PITPNC1: variants seen among roughly 807,000 people sequenced by gnomAD.
PITPNC1 encodes phosphatidylinositol transfer protein cytoplasmic 1.
Under a neutral mutation model 44.7 loss-of-function variants are expected in PITPNC1, and 18 were observed. That is an observed-to-expected ratio of 0.40 (90% CI 0.28 to 0.60). PITPNC1 has a LOEUF of 0.60. PITPNC1 is among the 20% of genes least tolerant of loss of function. The pLI is 0.39. For synonymous variants in PITPNC1, 141 were observed against 149.6 expected, an observed-to-expected ratio of 0.94 and a Z score of 0.42; for missense variants, 290 against 418.4, an observed-to-expected ratio of 0.69 and a Z score of 2.68.
chr17:67,425,242 CACACACACACACACACACACAG>C (rs1567984844), intron 1 of PITPNC1, among the ~76,000 whole-genome samples: 76 of 116,210 alleles, frequency 6.5e-4, no homozygotes, highest in African/African-American at 2.1e-3. Context: ...CACACACACA[CACACACACACACACACACACAG>C]AGGGAGAGAG....
intron 5 of PITPNC1, among the ~76,000 whole-genome samples, chr17:67,586,444 A>T (rs913221168): frequency 2.6e-5 from 4 of 151,264 alleles, no homozygotes; most frequent in Non-Finnish European, 4.4e-5. Flanking sequence ...AAAAAAAAAA[A>T]ATTAGCTGGG....
At chr17:67,445,544 G>C (rs2143934491) in intron 1 of PITPNC1, among the ~76,000 whole-genome samples, 1 of 138,004 alleles carries the variant, frequency 7.2e-6, no homozygotes, top group Non-Finnish European at 1.7e-5. Flanking sequence ...TACTTTCCTT[G>C]TTAACTAATT....
intron 1 of PITPNC1, among the ~76,000 whole-genome samples, chr17:67,452,857 C>T (rs1467892298): frequency 1.3e-5 from 2 of 152,166 alleles, no homozygotes; most frequent in Non-Finnish European, 2.9e-5. Flanking sequence ...GTAGTTCTTG[C>T]ATTTTTTTAC....
intron 5 of PITPNC1, among the ~76,000 whole-genome samples, chr17:67,605,061 A>C (rs1407000540): frequency 1.3e-5 from 2 of 152,220 alleles, no homozygotes; most frequent in South Asian, 2.1e-4. Context: ...CCAGGGCAAC[A>C]GGGTGAGATT....
chr17:67,436,908 G>GTTTTT lies in PITPNC1; in HGVS notation c.48+58730_48+58734dup, dbSNP rs1044625193. ...TCTGATTGTATTTGAAAATAGGGGT[G>GTTTTT]TTTTTTTTTTTTTTTTTTTTTTTTT... On this transcript the variant is annotated intron_variant, in intron 1 of 8. Transcript: ENST00000581322. 4.4e-4 allele frequency among the ~76,000 whole-genome samples: 30 copies of GTTTTT among 68,454 alleles called. 2 individuals are homozygous for GTTTTT. The highest frequency in any genetic ancestry group is 7.3e-4 in the Admixed American group (4 of 5,462). The allele number at this position is 68,454 out of a possible 152,430, so 44.9% of individuals were successfully genotyped here.
intron 1 of PITPNC1, among the ~76,000 whole-genome samples, chr17:67,425,209 A>AGGG (rs1567984795): frequency 3.2e-5 from 1 of 30,996 alleles, no homozygotes; most frequent in African/African-American, 2.3e-4. Context: ...ACACGCACAC[A>AGGG]CACACACACA....
At chr17:67,553,265 A>G (rs2040792145) in intron 3 of PITPNC1, 1 of 179,846 alleles carries the variant, frequency 5.6e-6, no homozygotes, top group Non-Finnish European at 1.2e-5. Flanking sequence ...TTTTCCACTT[A>G]AAAGATTTCC....
intron 6 of PITPNC1, among the ~76,000 whole-genome samples, chr17:67,640,102 C>G (rs2042076587): frequency 6.6e-6 from 1 of 151,780 alleles, no homozygotes; most frequent in Admixed American, 6.6e-5. Context: ...CCGTTTCCCT[C>G]AAGTCCATCT....
intron 4 of PITPNC1, among the ~76,000 whole-genome samples, chr17:67,559,931 C>T (rs1294889318): frequency 2.0e-5 from 3 of 152,006 alleles, no homozygotes; most frequent in African/African-American, 7.2e-5. Context: ...TATGTGAGAC[C>T]GGTGTCATCA....
At chr17:67,615,430 C>T (rs568706355) in intron 5 of PITPNC1, among the ~76,000 whole-genome samples, 3 of 152,286 alleles carry the variant, frequency 2.0e-5, no homozygotes, top group African/African-American at 7.2e-5. Flanking sequence ...ACTCAGAGAG[C>T]AGGGCTGCCG....
At chr17:67,467,722 G>A (rs1349470901) in intron 1 of PITPNC1, among the ~76,000 whole-genome samples, 1 of 152,178 alleles carries the variant, frequency 6.6e-6, no homozygotes, top group Admixed American at 6.5e-5. Context: ...CCACAACCAG[G>A]TGCATGTTGC....
chr17:67,653,198 C>T (rs1169078288), intron 6 of PITPNC1, among the ~76,000 whole-genome samples: 1 of 152,078 alleles, frequency 6.6e-6, no homozygotes, highest in African/African-American at 2.4e-5. Context: ...AGGAGCATTG[C>T]TTGAACCCAG....
At chr17:67,596,725 A>C (rs2041465323) in intron 5 of PITPNC1, among the ~76,000 whole-genome samples, 1 of 152,004 alleles carries the variant, frequency 6.6e-6, no homozygotes, top group Non-Finnish European at 1.5e-5. Flanking sequence ...CCTAACCTTT[A>C]TTCTAAACTG....
intron 1 of PITPNC1, among the ~76,000 whole-genome samples, chr17:67,397,313 A>G (rs1351046757): frequency 6.6e-6 from 1 of 152,000 alleles, no homozygotes; most frequent in Non-Finnish European, 1.5e-5. Context: ...GAGAGAGTTC[A>G]GTACTGGTTC....
chr17:67,567,069 G>A (rs780526559), intron 4 of PITPNC1, among the ~76,000 whole-genome samples: 1 of 152,234 alleles, frequency 6.6e-6, no homozygotes, highest in Non-Finnish European at 1.5e-5. Context: ...AGGAAGGACG[G>A]TATAACACTA....
intron 1 of PITPNC1, among the ~76,000 whole-genome samples, chr17:67,462,917 G>T (rs1234580486): frequency 1.3e-5 from 2 of 152,116 alleles, no homozygotes; most frequent in South Asian, 2.1e-4. Context: ...GGTTAGGTTG[G>T]TCTCGAACTC....
chr17:67,675,305 T>C (rs572270867), intron 7 of PITPNC1, among the ~76,000 whole-genome samples, 174 bp from the exon 8 acceptor site: 1 of 152,272 alleles, frequency 6.6e-6, no homozygotes, highest in Non-Finnish European at 1.5e-5. Context: ...GGGGAAGGGC[T>C]GGAGGTGTGT....
chr17:67,508,513 G>C lies in PITPNC1; in HGVS notation c.49-24289G>C, dbSNP rs563236727. Among the ~76,000 whole-genome samples, 3 of 152,294 alleles carry C rather than the reference G, an allele frequency of 2.0e-5. No homozygotes were observed. In the East Asian group the frequency reaches 5.8e-4, roughly 29 times the overall value. ...CTTGGTTTTGGTGGGTTTTACCTGG[G>C]TTCTCTACTGCAAACCTGTTTTTTT... is the stretch of plus-strand genomic sequence containing the variant. On this transcript the variant is annotated intron_variant, in intron 1 of 8. Coordinates refer to ENST00000581322, the MANE Select transcript of PITPNC1 (RefSeq NM_012417.4). This position sits in a 1 kb window ranked among gnomAD's most constrained non-coding sequence, Gnocchi z 4.2.
rs1218718052 is a variant in PITPNC1, at chr17:67,532,879, C to A, written c.126C>A (p.Val42=). The change falls in exon 2 of 9, where the codon GTC becomes GTA. Residue 42 remains valine, a synonymous_variant. Transcript: ENST00000581322. ...QSDRGEGVEV[V]QNEPFEDPHH... ...ACCGGGGAGAAGGGGTGGAGGTCGT[C>A]CAGAATGAGCCCTTTGAGGACCCTC... 4 of 1,607,040 alleles carry A rather than the reference C, an allele frequency of 2.5e-6. No individual in the cohort carries two copies. The highest frequency in any genetic ancestry group is 3.4e-6 in the Non-Finnish European group (4 of 1,177,050).
Sources: gnomAD v4.1 joint callset for allele counts (sites outside exome capture counted in the v4.1 genomes callset) on GRCh38, gnomAD v4.1.1 for gene constraint, Gnocchi (gnomAD v3.1) non-coding constraint, MANE v1.5 for transcripts, NCBI Gene and HGNC (gene_info 2026-07-23, HGNC 2026-07-21) for gene names.